TRAPPC9: variants seen among roughly 807,000 people sequenced by gnomAD.
TRAPPC9 encodes IKK2 binding protein.
A neutral mutation model predicts 124.0 loss-of-function variants in TRAPPC9; 83 were observed. The ratio of observed to expected loss-of-function variants is 0.67; its 90% CI spans 0.56 to 0.80. TRAPPC9 has a LOEUF of 0.80. Among genes scored for constraint, TRAPPC9 ranks in the 30% least tolerant of loss-of-function variants. TRAPPC9 has a pLI of 0.00. For synonymous variants in TRAPPC9, 638 were observed against 617.5 expected, an observed-to-expected ratio of 1.03 and a Z score of -0.49; for missense variants, 1,302 against 1,508.3, an observed-to-expected ratio of 0.86 and a Z score of 2.27.
At chr8:139,845,520 T>C (rs758276616) in intron 21 of TRAPPC9, among the ~76,000 whole-genome samples, 2 of 152,180 alleles carry the variant, frequency 1.3e-5, no homozygotes, top group African/African-American at 2.4e-5. Context: ...TCCCTTGCAA[T>C]TGGGTATGGC....
At chr8:139,945,102 C>T (rs972853833) in intron 19 of TRAPPC9, among the ~76,000 whole-genome samples, 10 of 151,830 alleles carry the variant, frequency 6.6e-5, no homozygotes, top group African/African-American at 1.9e-4. Flanking sequence ...CCAGCCTATG[C>T]AACAGAGTGA....
intron 17 of TRAPPC9, among the ~76,000 whole-genome samples, chr8:140,033,122 C>T (rs1340068186): frequency 1.3e-5 from 2 of 151,862 alleles, no homozygotes; most frequent in Non-Finnish European, 2.9e-5. Context: ...AGGAGATTAC[C>T]CCTTGTACGA....
chr8:139,857,059 G>A (rs1378325626), intron 21 of TRAPPC9, among the ~76,000 whole-genome samples: 1 of 65,606 alleles, frequency 1.5e-5, no homozygotes, highest in East Asian at 9.4e-4. Flanking sequence ...GGGGGGAGCT[G>A]GTTCAGACAG....
chr8:139,988,940 A>C, intron 18 of TRAPPC9, 104 bp from the exon 19 acceptor site: 4 of 776,744 alleles, frequency 5.1e-6, no homozygotes, highest in Non-Finnish European at 8.8e-6. Flanking sequence ...AAGAAGGGCA[A>C]AGTATATCGA....
chr8:140,167,220 C>A (rs2061856012), intron 17 of TRAPPC9, among the ~76,000 whole-genome samples: 1 of 151,728 alleles, frequency 6.6e-6, no homozygotes, highest in Non-Finnish European at 1.5e-5. Context: ...CCATGTGACA[C>A]AGAGCACAGG....
chr8:140,223,858 C>G (rs982858830), intron 16 of TRAPPC9, among the ~76,000 whole-genome samples: 1 of 152,114 alleles, frequency 6.6e-6, no homozygotes, highest in Non-Finnish European at 1.5e-5. Flanking sequence ...AAGAATTAAG[C>G]AATTTTCTAC....
intron 19 of TRAPPC9, among the ~76,000 whole-genome samples, chr8:139,944,753 CTT>C (rs1834108059): frequency 6.6e-6 from 1 of 152,092 alleles, no homozygotes; most frequent in Non-Finnish European, 1.5e-5. Context: ...ACATAGCAGA[CTT>C]AAACCAAATA....
chr8:139,941,965 A>G (rs1185999600), intron 19 of TRAPPC9, among the ~76,000 whole-genome samples: 1 of 152,220 alleles, frequency 6.6e-6, no homozygotes, highest in African/African-American at 2.4e-5. Context: ...GAGACACATG[A>G]GGGTGTATGA....
At chr8:139,803,924 T>C (rs1823743674) in intron 21 of TRAPPC9, among the ~76,000 whole-genome samples, 1 of 152,006 alleles carries the variant, frequency 6.6e-6, no homozygotes, top group Admixed American at 6.5e-5. Context: ...TCAACGGAGT[T>C]TACCACAGAT....
chr8:139,916,320 G>A (rs929716364), intron 19 of TRAPPC9: 2 of 152,224 alleles, frequency 1.3e-5, no homozygotes, highest in Non-Finnish European at 2.9e-5. Flanking sequence ...GGATACAAAC[G>A]GTCAGCGAAG....
intron 4 of TRAPPC9, among the ~76,000 whole-genome samples, chr8:140,430,419 G>C (rs867372789): frequency 6.6e-6 from 1 of 152,092 alleles, no homozygotes; most frequent in Non-Finnish European, 1.5e-5. Flanking sequence ...TGAGGTGTAA[G>C]ATGAGTTTGG....
intron 21 of TRAPPC9, among the ~76,000 whole-genome samples, chr8:139,761,507 T>C: frequency 6.6e-6 from 1 of 152,184 alleles, no homozygotes; most frequent in Non-Finnish European, 1.5e-5. Flanking sequence ...CTCCCAGCCC[T>C]GGTGCTGGCT....
chr8:140,194,913 T>A (rs375269712), intron 17 of TRAPPC9, among the ~76,000 whole-genome samples: 42 of 151,694 alleles, frequency 2.8e-4, no homozygotes, highest in African/African-American at 9.4e-4. Flanking sequence ...TGATCCACTA[T>A]ACAGCTCACA....
intron 21 of TRAPPC9, among the ~76,000 whole-genome samples, chr8:139,746,123 T>C (rs1431967646): frequency 6.6e-6 from 1 of 152,240 alleles, no homozygotes; most frequent in Admixed American, 6.5e-5. Context: ...GCTGGGCTCC[T>C]GCAATCGCCG....
At chr8:140,375,252 T>G (rs2068403070) in intron 7 of TRAPPC9, among the ~76,000 whole-genome samples, 1 of 152,314 alleles carries the variant, frequency 6.6e-6, no homozygotes, top group South Asian at 2.1e-4. Flanking sequence ...AGCACATCTT[T>G]GTTCTAATCT....
intron 19 of TRAPPC9, among the ~76,000 whole-genome samples, chr8:139,935,950 C>T (rs2131410550): frequency 6.6e-6 from 1 of 152,294 alleles, no homozygotes; most frequent in Non-Finnish European, 1.5e-5. Context: ...GGCATGTGAC[C>T]TTTCCTGCTC....
intron 2 of TRAPPC9, among the ~76,000 whole-genome samples, chr8:140,446,457 C>G (rs1479094998): frequency 6.6e-6 from 1 of 152,176 alleles, no homozygotes; most frequent in Non-Finnish European, 1.5e-5. Flanking sequence ...GGCCTTGTGT[C>G]TGCAAGATCC....
intron 5 of TRAPPC9, among the ~76,000 whole-genome samples, chr8:140,415,411 C>T (rs1303555575): frequency 1.3e-5 from 2 of 151,212 alleles, no homozygotes; most frequent in African/African-American, 2.4e-5. Context: ...AAAAATTAGC[C>T]GGGCGTGGTG....
chr8:140,181,793 T>C (rs2062210768), intron 17 of TRAPPC9, among the ~76,000 whole-genome samples: 1 of 152,158 alleles, frequency 6.6e-6, no homozygotes, highest in African/African-American at 2.4e-5. Flanking sequence ...TGCCTCCTTG[T>C]GTAGTTTGTT....
Sources: allele counts gnomAD v4.1 joint callset (sites outside exome capture counted in the v4.1 genomes callset), GRCh38; gene constraint gnomAD v4.1.1; transcripts MANE v1.5; gene names NCBI Gene and HGNC (gene_info 2026-07-23, HGNC 2026-07-21).